The following UTS2B variants were observed in gnomAD, a reference collection of about 807,000 sequenced individuals.
UTS2B encodes the protein urotensin 2B.
A neutral mutation model predicts 19.2 loss-of-function variants in UTS2B; 21 were observed. The observed-to-expected ratio is 1.09, with a 90% CI of 0.78 to 1.58. UTS2B has a LOEUF of 1.58. Among genes scored for constraint, UTS2B ranks in the 40% most tolerant of loss-of-function variants. The pLI is 0.00. For synonymous variants in UTS2B, 57 were observed against 50.2 expected (o/e 1.14, Z -0.58); for missense variants, 138 against 130.3 (o/e 1.06, Z -0.29).
At chr3:191,281,807 A>T (rs913372978) in intron 5 of UTS2B, among the ~76,000 whole-genome samples, 4 of 151,682 alleles carry the variant, frequency 2.6e-5, no homozygotes, top group Non-Finnish European at 4.4e-5. Flanking sequence ...CAAATGAGAA[A>T]CAAGTGCCCC....
At chr3:191,345,362 A>G in the UTS2B span, among the ~76,000 whole-genome samples, 1 of 152,206 alleles carries the variant, frequency 6.6e-6, no homozygotes, top group Admixed American at 6.5e-5. Context: ...TAAACCTTAT[A>G]TGGAAAGTTT....
At chr3:191,316,975 C>G (rs1307859087) in intron 2 of UTS2B, among the ~76,000 whole-genome samples, 2 of 152,264 alleles carry the variant, frequency 1.3e-5, no homozygotes, top group Non-Finnish European at 2.9e-5. Context: ...GCCGGGGCTG[C>G]CGGCGGAGCC....
intron 7 of UTS2B, 112 bp downstream of exon 7, chr3:191,276,695 T>G (rs946271467): frequency 4.4e-6 from 4 of 901,638 alleles, no homozygotes; most frequent in Non-Finnish European, 3.3e-6. Context: ...TTAGCAGGAA[T>G]AAAAGTTTTA....
At position 191,301,213 on chromosome 3, in the gene UTS2B, G is replaced by T. The variant is rs548029196; in HGVS notation, c.-125+3279C>A. On this transcript the variant is annotated intron_variant, in intron 4 of 8. Coordinates refer to ENST00000340524, the MANE Select transcript of UTS2B (RefSeq NM_198152.5). ...CATAAGCTTTAGTGAAACTAGAAAAGAAAATTTGTCTCATTCTAGCTGGTG... is the reference window on the plus strand; with the variant it reads ...CATAAGCTTTAGTGAAACTAGAAAATAAAATTTGTCTCATTCTAGCTGGTG... 7.9e-5 allele frequency among the ~76,000 whole-genome samples: 12 copies of T among 152,268 alleles called. No individual in the cohort carries two copies. The South Asian group carries it at 2.5e-3, about 32-fold the overall frequency.
intron 8 of UTS2B, among the ~76,000 whole-genome samples, chr3:191,269,837 A>C (rs1404637917): frequency 6.6e-6 from 1 of 152,196 alleles, no homozygotes; most frequent in Admixed American, 6.5e-5. Context: ...TAGTTTGGAG[A>C]ATTTTTTGGA....
chr3:191,303,424 G>C (rs1272332666), intron 4 of UTS2B, among the ~76,000 whole-genome samples: 5 of 151,822 alleles, frequency 3.3e-5, no homozygotes, highest in Admixed American at 6.6e-5. Flanking sequence ...TTTAGCATGA[G>C]ATATCTCTAA....
At chr3:191,313,545 A>T (rs1270138060) in intron 3 of UTS2B, among the ~76,000 whole-genome samples, 1 of 152,148 alleles carries the variant, frequency 6.6e-6, no homozygotes, top group African/African-American at 2.4e-5. Flanking sequence ...AATAACAGTT[A>T]TGCTTTGATG....
upstream of UTS2B, among the ~76,000 whole-genome samples, chr3:191,334,888 C>A (rs1718092220): frequency 6.6e-6 from 1 of 152,142 alleles, no homozygotes; most frequent in Admixed American, 6.5e-5. Context: ...CAATTTTTTA[C>A]AACTTTTAGT....
At chr3:191,279,505 A>G (rs1023520804) in intron 5 of UTS2B, among the ~76,000 whole-genome samples, 1 of 152,094 alleles carries the variant, frequency 6.6e-6, no homozygotes, top group East Asian at 1.9e-4. Context: ...AAAGACAACT[A>G]TGGTAAGAGA....
At chr3:191,304,731 AGT>A (rs1459642133) in intron 3 of UTS2B, among the ~76,000 whole-genome samples, 183 bp from the exon 4 acceptor site, 1 of 152,172 alleles carries the variant, frequency 6.6e-6, no homozygotes, top group Non-Finnish European at 1.5e-5. Flanking sequence ...CATAGGTAAA[AGT>A]GTGTCATGGG....
At chr3:191,309,574 A>G (rs1717234541) in intron 3 of UTS2B, among the ~76,000 whole-genome samples, 1 of 152,106 alleles carries the variant, frequency 6.6e-6, no homozygotes, top group African/African-American at 2.4e-5. Flanking sequence ...TCTCCCCACC[A>G]AATCTCATGT....
Position 191,268,455 on chromosome 3 carries a change from C to T in UTS2B, c.335-14G>A, listed in dbSNP as rs1716001701. 6.5e-7 allele frequency: 1 copy of T among 1,537,090 alleles called. No homozygotes were observed. Among genetic ancestry groups the T allele is most frequent in the Non-Finnish European group, 8.9e-7 (1 of 1,123,176 alleles). ...TCCAAAAGCAAGCTAAAGAAGAAAA[C>T]AAAATACATTTTTTATTAGAAGTAT... On this transcript the variant is annotated splice_polypyrimidine_tract_variant and intron_variant, in intron 8 of 8. Coordinates refer to ENST00000340524, the MANE Select transcript of UTS2B (RefSeq NM_198152.5).
intron 8 of UTS2B, among the ~76,000 whole-genome samples, chr3:191,272,815 A>T (rs1470614311): frequency 6.8e-6 from 1 of 146,508 alleles, no homozygotes; most frequent in African/African-American, 2.5e-5. Context: ...GAGCCGAGGT[A>T]GCGTGCCATT....
At chr3:191,301,780 C>A (rs533156232) in intron 4 of UTS2B, among the ~76,000 whole-genome samples, 1 of 151,940 alleles carries the variant, frequency 6.6e-6, no homozygotes, top group East Asian at 1.9e-4. Context: ...TGAGCCACCA[C>A]GCCCGGCCAA....
intron 3 of UTS2B, among the ~76,000 whole-genome samples, chr3:191,305,151 CAG>C (rs1473902213): frequency 6.6e-6 from 1 of 152,056 alleles, no homozygotes; most frequent in African/African-American, 2.4e-5. Context: ...GTCTATATAA[CAG>C]AATGATTTAT....
chr3:191,317,043 C>T (rs1268633944), intron 2 of UTS2B, among the ~76,000 whole-genome samples: 1 of 152,232 alleles, frequency 6.6e-6, no homozygotes, highest in Non-Finnish European at 1.5e-5. Context: ...GTCAATGGGA[C>T]GTGGCGCCTT....
chr3:191,330,769 C>T (rs150825389), upstream of UTS2B, among the ~76,000 whole-genome samples: 1 of 152,232 alleles, frequency 6.6e-6, no homozygotes, highest in East Asian at 1.9e-4. Context: ...TGTGTGTGCT[C>T]AGGCCAGCCC....
At chr3:191,303,901 A>T (rs1282225409) in intron 4 of UTS2B, among the ~76,000 whole-genome samples, 2 of 152,184 alleles carry the variant, frequency 1.3e-5, no homozygotes, top group African/African-American at 2.4e-5. Flanking sequence ...ACACTTAGTT[A>T]GGTCCAGCTT....
At chr3:191,289,366 G>A (rs958665385) in intron 4 of UTS2B, among the ~76,000 whole-genome samples, 7 of 151,102 alleles carry the variant, frequency 4.6e-5, no homozygotes, top group South Asian at 4.2e-4. Flanking sequence ...TGGAGATTGC[G>A]CCACTGCACT....
Sources: allele counts gnomAD v4.1 joint callset (sites outside exome capture counted in the v4.1 genomes callset), GRCh38; gene constraint gnomAD v4.1.1; transcripts MANE v1.5; gene names NCBI Gene and HGNC (gene_info 2026-07-23, HGNC 2026-07-21).